Variants in SETBP1 observed in about 807,000 individuals in gnomAD.
SETBP1 encodes the protein SET binding protein 1.
SETBP1 carries 9 observed loss-of-function variants against 101.0 expected under a neutral mutation model. The ratio of observed to expected loss-of-function variants is 0.09; its 90% CI spans 0.05 to 0.16. The LOEUF (loss-of-function observed/expected upper bound fraction) is 0.16, where lower values mean the gene tolerates loss of function less well. Among genes scored for constraint, SETBP1 ranks in the 10% least tolerant of loss-of-function variants. The probability of loss-of-function intolerance (pLI) is 1.00; values close to 1 mark genes in which losing one functional copy is unlikely to be tolerated. For synonymous variants in SETBP1, 818 were observed against 788.5 expected (o/e 1.04, Z -0.63); for missense variants, 1,858 against 2,033.8 (o/e 0.91, Z 1.66).
intron 2 of SETBP1, among the ~76,000 whole-genome samples, chr18:44,848,559 TCTC>T (rs931341267): frequency 3.9e-5 from 6 of 152,144 alleles, no homozygotes; most frequent in African/African-American, 1.2e-4. Flanking sequence ...CATTTTAATT[TCTC>T]CTCTGGCATT....
chr18:45,013,823 C>G (rs1350708046), intron 4 of SETBP1, among the ~76,000 whole-genome samples: 3 of 152,148 alleles, frequency 2.0e-5, no homozygotes, highest in Non-Finnish European at 2.9e-5. Context: ...AAGTCTGAAG[C>G]TCTGACGGTT....
chr18:44,801,995 TAGAC>T (rs1187924480), intron 2 of SETBP1, among the ~76,000 whole-genome samples: 4 of 152,126 alleles, frequency 2.6e-5, no homozygotes, highest in African/African-American at 9.7e-5. Context: ...TTAAAGGAAT[TAGAC>T]AGCCTGTAGG....
chr18:44,965,222 T>A (rs575322681), intron 4 of SETBP1, among the ~76,000 whole-genome samples: 2 of 151,948 alleles, frequency 1.3e-5, no homozygotes, highest in Admixed American at 1.3e-4. Flanking sequence ...AGCCAGTTTC[T>A]TTTACAATTA....
chr18:45,035,940 C>T (rs1189827046), intron 4 of SETBP1, among the ~76,000 whole-genome samples: 1 of 152,138 alleles, frequency 6.6e-6, no homozygotes, highest in Non-Finnish European at 1.5e-5. Context: ...TGCCCCAGTG[C>T]CCATAGGCTT....
At chr18:45,045,385 C>T (rs970241655) in intron 5 of SETBP1, among the ~76,000 whole-genome samples, 1 of 152,162 alleles carries the variant, frequency 6.6e-6, no homozygotes. Context: ...GAGCCGAAAT[C>T]TCACCACTGC....
At chr18:44,826,150 A>G (rs897325151) in intron 2 of SETBP1, among the ~76,000 whole-genome samples, 1 of 152,218 alleles carries the variant, frequency 6.6e-6, no homozygotes, top group African/African-American at 2.4e-5. Flanking sequence ...GGAAAGTTCT[A>G]GTGTAATGAT....
intron 2 of SETBP1, among the ~76,000 whole-genome samples, chr18:44,718,805 C>G (rs991186541): frequency 2.0e-5 from 3 of 152,118 alleles, no homozygotes; most frequent in African/African-American, 7.2e-5. Context: ...CAGCTTCCCA[C>G]TGGTATCAGA....
chr18:44,718,824 A>G (rs1324614466), intron 2 of SETBP1, among the ~76,000 whole-genome samples: 2 of 152,206 alleles, frequency 1.3e-5, no homozygotes, highest in African/African-American at 2.4e-5. Flanking sequence ...GAGCTGCTGC[A>G]GATACTCTAT....
At chr18:44,741,156 G>A (rs1450438407) in intron 2 of SETBP1, among the ~76,000 whole-genome samples, 1 of 152,198 alleles carries the variant, frequency 6.6e-6, no homozygotes, top group Non-Finnish European at 1.5e-5. Context: ...TACCTATTCT[G>A]TCCCAAGCCT....
At chr18:44,730,678 C>G (rs555187533) in intron 2 of SETBP1, among the ~76,000 whole-genome samples, 3 of 152,312 alleles carry the variant, frequency 2.0e-5, no homozygotes, top group Non-Finnish European at 4.4e-5. Flanking sequence ...TTGCTTTCAT[C>G]ATTCCCCACT....
chr18:45,064,744 G>T lies in SETBP1; in HGVS notation c.*1046G>T, dbSNP rs1449987890. The stretch of plus-strand genomic sequence containing the variant: ...ACTGAAACCCCAGACCCACCAGAAA[G>T]ACAAGTGTCTAGCAATGCCTTGGTA... On this transcript the variant is annotated 3_prime_UTR_variant, in exon 6 of 6. Transcript: ENST00000649279. The T allele has an allele frequency of 6.9e-6, 1 of 145,120 alleles. No individual in the cohort carries two copies. Among genetic ancestry groups the T allele is most frequent in the Non-Finnish European group, 1.5e-5 (1 of 67,044 alleles). 9.0% of individuals were successfully genotyped at this position (145,120 alleles called of 1,614,324 possible). A position where few individuals can be genotyped will look rare whatever the true frequency, so the allele number is the denominator to read the frequency against.
chr18:44,685,276 A>G (rs1169815944), intron 1 of SETBP1, among the ~76,000 whole-genome samples: 1 of 152,252 alleles, frequency 6.6e-6, no homozygotes, highest in Non-Finnish European at 1.5e-5. Flanking sequence ...TCCTTGGTCC[A>G]ACTTATCTTT....
At chr18:44,743,338 AAAC>A (rs558055287) in intron 2 of SETBP1, among the ~76,000 whole-genome samples, 5 of 152,186 alleles carry the variant, frequency 3.3e-5, no homozygotes, top group Non-Finnish European at 5.9e-5. Flanking sequence ...AAGAAAAGAA[AAAC>A]AACAACAACA....
chr18:44,714,924 GT>G (rs1197625125), intron 2 of SETBP1, among the ~76,000 whole-genome samples: 1 of 152,036 alleles, frequency 6.6e-6, no homozygotes, highest in Non-Finnish European at 1.5e-5. Context: ...CTTCTTTTGG[GT>G]TTGCTCTTCG....
At chr18:44,944,662 C>T (rs1436591231) in intron 3 of SETBP1, among the ~76,000 whole-genome samples, 1 of 152,190 alleles carries the variant, frequency 6.6e-6, no homozygotes, top group East Asian at 1.9e-4. Flanking sequence ...TTTTCCTGCT[C>T]ATGTAATCCC....
At chr18:44,876,812 C>T (rs746293153) in intron 3 of SETBP1, 3 of 1,440,356 alleles carry the variant, frequency 2.1e-6, no homozygotes, top group Non-Finnish European at 2.7e-6. Flanking sequence ...TTCCATTCAA[C>T]AATGGAGACT....
chr18:44,975,388 T>G (rs1297545329), intron 4 of SETBP1, among the ~76,000 whole-genome samples: 2 of 152,182 alleles, frequency 1.3e-5, no homozygotes, highest in Non-Finnish European at 2.9e-5. Flanking sequence ...CTAAAAGAAA[T>G]TCACTTTTAA....
At chr18:44,910,927 CTCT>C (rs2070293574) in intron 3 of SETBP1, among the ~76,000 whole-genome samples, 1 of 152,158 alleles carries the variant, frequency 6.6e-6, no homozygotes, top group Non-Finnish European at 1.5e-5. Flanking sequence ...ACTTGCCACT[CTCT>C]GAAGTTATGG....
intron 2 of SETBP1, among the ~76,000 whole-genome samples, chr18:44,718,282 C>T (rs2069509138): frequency 6.6e-6 from 1 of 152,178 alleles, no homozygotes; most frequent in Non-Finnish European, 1.5e-5. Context: ...TCAAGAATGG[C>T]CCTCATGCTC....
Sources: allele counts gnomAD v4.1 joint callset (sites outside exome capture counted in the v4.1 genomes callset), GRCh38; gene constraint gnomAD v4.1.1; transcripts MANE v1.5; gene names NCBI Gene and HGNC (gene_info 2026-07-23, HGNC 2026-07-21).